The following KLF12 variants were observed in gnomAD, a reference collection of about 807,000 sequenced individuals.
The protein encoded by KLF12 is KLF transcription factor 12, also known as Krueppel-like factor 12.
KLF12 carries 9 observed loss-of-function variants against 37.8 expected under a neutral mutation model. The observed-to-expected ratio is 0.24, with a 90% CI of 0.14 to 0.42. KLF12 has a LOEUF of 0.42. Among genes scored for constraint, KLF12 ranks in the 10% least tolerant of loss-of-function variants. The pLI is 1.00. For synonymous variants in KLF12, 208 were observed against 202.1 expected, an observed-to-expected ratio of 1.03 and a Z score of -0.25; for missense variants, 411 against 516.0, an observed-to-expected ratio of 0.80 and a Z score of 1.97.
chr13:73,751,107 G>A (rs1878725218), intron 6 of KLF12, among the ~76,000 whole-genome samples: 1 of 152,168 alleles, frequency 6.6e-6, no homozygotes, highest in African/African-American at 2.4e-5. Context: ...ATTCCATGGT[G>A]TATATGTGAT....
intron 1 of KLF12, among the ~76,000 whole-genome samples, chr13:74,031,808 A>AAG (rs58236299): frequency 6.6e-6 from 1 of 151,956 alleles, no homozygotes; most frequent in Non-Finnish European, 1.5e-5. Flanking sequence ...CTGAAAAAAA[A>AAG]TGTGCTTCTC....
chr13:74,271,870 C>T, the KLF12 span, among the ~76,000 whole-genome samples: 1 of 152,050 alleles, frequency 6.6e-6, no homozygotes. Context: ...GGTATGGTGA[C>T]CAGACTCTAG....
At chr13:74,048,782 A>G (rs533796473) in intron 1 of KLF12, among the ~76,000 whole-genome samples, 2 of 152,326 alleles carry the variant, frequency 1.3e-5, no homozygotes, top group East Asian at 1.9e-4. Context: ...TCTCTCCCCA[A>G]TTCAAATAAA....
chr13:73,755,975 C>T (rs551388093), intron 6 of KLF12, among the ~76,000 whole-genome samples: 104 of 152,172 alleles, frequency 6.8e-4, no homozygotes, highest in African/African-American at 2.4e-3. Flanking sequence ...TGTATATATA[C>T]ACCACATTTT....
At position 73,860,705 on chromosome 13, in the gene KLF12, C is replaced by T. The variant is rs541240214; in HGVS notation, c.124-14332G>A. Among the ~76,000 whole-genome samples, 22 of 152,258 alleles carry T rather than the reference C, an allele frequency of 1.4e-4. 1 individual carries two copies. In the South Asian group the frequency reaches 3.1e-3, roughly 22 times the overall value. On this transcript the variant is annotated intron_variant, in intron 3 of 7. Coordinates refer to ENST00000377669, the MANE Select transcript of KLF12 (RefSeq NM_007249.5). ...GCTGCACTGAGCTATGATTGCATCACTGCATTCCAGCCTGGGCGACAGAGT... is the reference window on the plus strand; with the variant it reads ...GCTGCACTGAGCTATGATTGCATCATTGCATTCCAGCCTGGGCGACAGAGT...
chr13:73,802,656 T>C (rs972505343), intron 5 of KLF12, among the ~76,000 whole-genome samples: 3 of 152,120 alleles, frequency 2.0e-5, no homozygotes, highest in Non-Finnish European at 4.4e-5. Flanking sequence ...GTGTCTACTG[T>C]TGCCATCTTT....
intron 7 of KLF12, among the ~76,000 whole-genome samples, chr13:73,711,579 TG>T (rs1875400401): frequency 6.6e-6 from 1 of 152,210 alleles, no homozygotes; most frequent in South Asian, 2.1e-4. Context: ...CATGGTTTAC[TG>T]AATGTTTTAA....
intron 1 of KLF12, among the ~76,000 whole-genome samples, chr13:74,068,768 A>T (rs551546978): frequency 9.2e-5 from 14 of 152,066 alleles, no homozygotes; most frequent in Admixed American, 8.5e-4. Flanking sequence ...TGTTGGCTAG[A>T]CTGGTCTCGA....
At chr13:74,046,994 G>GAA (rs747197853) in intron 1 of KLF12, among the ~76,000 whole-genome samples, 1 of 151,670 alleles carries the variant, frequency 6.6e-6, no homozygotes, top group Non-Finnish European at 1.5e-5. Context: ...TGAAAAACAG[G>GAA]AAAAAAATCA....
chr13:74,269,531 G>A, the KLF12 span, among the ~76,000 whole-genome samples: 1 of 151,960 alleles, frequency 6.6e-6, no homozygotes, highest in South Asian at 2.1e-4. Context: ...GACTCTGGAT[G>A]GTCTCCTTGT....
chr13:73,751,056 T>A (rs1878720709), intron 6 of KLF12, among the ~76,000 whole-genome samples: 2 of 152,190 alleles, frequency 1.3e-5, no homozygotes, highest in African/African-American at 4.8e-5. Context: ...GGCATGGCAA[T>A]GATTGGATTC....
the KLF12 span, among the ~76,000 whole-genome samples, chr13:74,302,692 G>C: frequency 3.0e-4 from 46 of 152,004 alleles, no homozygotes; most frequent in Non-Finnish European, 1.0e-4. Context: ...TCCGCTCAAG[G>C]GACAAAATTC....
intron 5 of KLF12, among the ~76,000 whole-genome samples, chr13:73,770,960 AG>A (rs1365864043): frequency 6.6e-6 from 1 of 152,212 alleles, no homozygotes; most frequent in Non-Finnish European, 1.5e-5. Flanking sequence ...CAACAGAATG[AG>A]GAATTCTAAA....
At chr13:74,049,069 ATTAG>A (rs1239236765) in intron 1 of KLF12, among the ~76,000 whole-genome samples, 2 of 152,212 alleles carry the variant, frequency 1.3e-5, no homozygotes, top group African/African-American at 4.8e-5. Context: ...CCACTTGAGA[ATTAG>A]TTAGATTTCC....
chr13:73,915,760 C>T (rs1049106583), intron 3 of KLF12, among the ~76,000 whole-genome samples: 3 of 147,250 alleles, frequency 2.0e-5, no homozygotes, highest in Admixed American at 6.9e-5. Context: ...TCTTGATCTC[C>T]TGACCTCGTG....
At chr13:73,852,646 G>A (rs1325627034) in intron 3 of KLF12, among the ~76,000 whole-genome samples, 4 of 151,766 alleles carry the variant, frequency 2.6e-5, no homozygotes, top group Non-Finnish European at 2.9e-5. Context: ...GCGTGGTGGC[G>A]CGTGCCTGTA....
intron 1 of KLF12, among the ~76,000 whole-genome samples, chr13:74,046,869 A>C (rs1030851483): frequency 1.7e-4 from 26 of 152,338 alleles, no homozygotes; most frequent in African/African-American, 5.5e-4. Flanking sequence ...ATACCATATA[A>C]GACTTAAAAT....
intron 3 of KLF12, among the ~76,000 whole-genome samples, chr13:73,929,343 T>C (rs983361117): frequency 6.6e-6 from 1 of 152,156 alleles, no homozygotes; most frequent in Non-Finnish European, 1.5e-5. Flanking sequence ...AGAAACTCCA[T>C]GAGGCAGATA....
intron 3 of KLF12, among the ~76,000 whole-genome samples, chr13:73,896,143 C>T (rs1455392688): frequency 6.6e-6 from 1 of 152,078 alleles, no homozygotes; most frequent in African/African-American, 2.4e-5. Flanking sequence ...AGTGATGCAA[C>T]AGAAGATGGG....
Sources: gnomAD v4.1 joint callset for allele counts (sites outside exome capture counted in the v4.1 genomes callset) on GRCh38, gnomAD v4.1.1 for gene constraint, MANE v1.5 for transcripts, NCBI Gene and HGNC (gene_info 2026-07-23, HGNC 2026-07-21) for gene names.